The following VSIG10L variants were observed in gnomAD, a reference collection of about 807,000 sequenced individuals.
The protein encoded by VSIG10L is V-set and immunoglobulin domain containing 10 like, also known as V-set and immunoglobulin domain-containing protein 10-like.
VSIG10L carries 63 observed loss-of-function variants against 67.3 expected under a neutral mutation model. That is an observed-to-expected ratio of 0.94 (90% CI 0.76 to 1.15). The LOEUF (loss-of-function observed/expected upper bound fraction) is 1.15. Ranked by LOEUF, VSIG10L falls within the 50% of genes most tolerant of loss-of-function variation. The pLI is 0.00. For missense variants in VSIG10L, 1,050 were observed against 1,177.5 expected (o/e 0.89, Z 1.58); for synonymous variants, 499 against 524.9 (o/e 0.95, Z 0.67).
Position 51,341,886 on chromosome 19 carries a change from G to A in VSIG10L, c.162C>T (p.Ser54=), listed in dbSNP as rs1985649927. ...SSQGLGVEVP[S]IKPPSWKVPD... is the part of the protein sequence containing the mutation. The stretch of plus-strand genomic sequence containing the variant: ...GAACTTTCCAGCTGGGAGGTTTGAT[G>A]GAGGGAACTTCCACACCCAGCCCCT... Residue 54 remains serine, a synonymous_variant, in exon 2 of 10, where the codon TCC becomes TCT. Coordinates refer to ENST00000335624, the MANE Select transcript of VSIG10L (RefSeq NM_001163922.3). 1.9e-6 allele frequency: 3 copies of A among 1,551,554 alleles called. No individual in the cohort carries two copies. The highest frequency in any genetic ancestry group is 2.0e-5 in the Admixed American group (1 of 50,982).
At chr19:51,334,018 G>A (rs1170423467) in intron 8 of VSIG10L, 73 bp from the exon 9 acceptor site, 9 of 1,537,492 alleles carry the variant, frequency 5.9e-6, no homozygotes, top group Non-Finnish European at 7.9e-6. Context: ...CCAATAGCAA[G>A]GGAAGCTGGT....
At position 51,337,478 on chromosome 19, in the gene VSIG10L, A is replaced by G; in HGVS notation, c.2065T>C (p.Trp689Arg). The G allele has an allele frequency of 6.4e-7, 1 of 1,550,472 alleles. No homozygotes were observed. Among genetic ancestry groups the G allele is most frequent in the Non-Finnish European group, 8.7e-7 (1 of 1,146,150 alleles). ...ATCAGGGCCCCGCGCTCCACATCCC[A>G]AGTCAGCACGGCTGCATCTCTGGCT... ...QRARDAAVLTWDVERGALISS... is the reference protein window; with the variant it reads ...QRARDAAVLTRDVERGALISS... The change falls in exon 7 of 10, where the codon TGG (tryptophan) becomes CGG (arginine). Residue 689 changes from tryptophan (W) to arginine (R), a missense_variant. Transcript: ENST00000335624.
Position 51,338,009 on chromosome 19 carries a change from G to C in VSIG10L, c.1929C>G (p.Ser643Arg), listed in dbSNP as rs1293446524. 7 of 1,551,574 alleles carry C rather than the reference G, an allele frequency of 4.5e-6. No individual in the cohort carries two copies. In the East Asian group the frequency reaches 1.5e-4, roughly 32 times the overall value. ...AGTAATTTCCCAGGTCCCAATCCAG[G>C]CTGAAGTTGCCGATGTGGAGTTTCC... ...DGRKLHIGNF[S>R]LDWDLGNYSV... The change falls in exon 6 of 10, where the codon AGC (serine) becomes AGG (arginine). Residue 643 changes from serine to arginine, a missense_variant. Transcript: ENST00000335624.
intron 7 of VSIG10L, among the ~76,000 whole-genome samples, chr19:51,336,297 C>T (rs1290123692): frequency 6.6e-6 from 1 of 152,152 alleles, no homozygotes; most frequent in Non-Finnish European, 1.5e-5. Flanking sequence ...TGGCTCACAC[C>T]TGTAATCCCA....
At chr19:51,338,602 A>T (rs906377613) in intron 5 of VSIG10L, among the ~76,000 whole-genome samples, 12 of 152,150 alleles carry the variant, frequency 7.9e-5, no homozygotes, top group Admixed American at 7.9e-4. Context: ...TGCTGCGATT[A>T]TTGCGCCCGG....
chr19:51,341,064 A>G (rs947256742), intron 2 of VSIG10L, 89 bp downstream of exon 2: 2 of 1,424,070 alleles, frequency 1.4e-6, no homozygotes, highest in East Asian at 5.2e-5. Context: ...TCTCCTATCC[A>G]GGGACCCCAC....
chr19:51,335,252 G>A (rs985315210), intron 7 of VSIG10L, among the ~76,000 whole-genome samples: 2 of 152,154 alleles, frequency 1.3e-5, no homozygotes, highest in African/African-American at 4.8e-5. Context: ...TCCTAAAGGG[G>A]TCCTGCAGAA....
At chr19:51,335,324 G>A (rs754128639) in intron 7 of VSIG10L, among the ~76,000 whole-genome samples, 5 of 152,184 alleles carry the variant, frequency 3.3e-5, no homozygotes, top group Non-Finnish European at 7.3e-5. Context: ...TTTGGCTTCT[G>A]TGTGGAGAAT....
At chr19:51,334,886 C>T (rs1245858122) in intron 7 of VSIG10L, among the ~76,000 whole-genome samples, 1 of 152,138 alleles carries the variant, frequency 6.6e-6, no homozygotes, top group Non-Finnish European at 1.5e-5. Context: ...CTGCAGTGAG[C>T]CCAGATCGTG....
Position 51,338,311 on chromosome 19 carries a change from G to A in VSIG10L, c.1730-103C>T, listed in dbSNP as rs554860468. 11 of 1,305,218 alleles carry A rather than the reference G, an allele frequency of 8.4e-6. No homozygotes were observed. In the African/African-American group the frequency reaches 1.2e-4, roughly 14 times the overall value. 80.9% of individuals were successfully genotyped at this position (1,305,218 alleles called of 1,614,324 possible). A position where few individuals can be genotyped will look rare whatever the true frequency, so the allele number is the denominator to read the frequency against. ...AAATCAGATGGTGGTAAGCCCCCACGCTTTGGCCACCTGAGAAAGAACTGC... is the reference window on the plus strand; with the variant it reads ...AAATCAGATGGTGGTAAGCCCCCACACTTTGGCCACCTGAGAAAGAACTGC... On this transcript the variant is annotated intron_variant, in intron 5 of 9. Coordinates refer to ENST00000335624, the MANE Select transcript of VSIG10L (RefSeq NM_001163922.3).
In VSIG10L at chr19:51,340,418, G is replaced by A. The variant is rs1985602791; in HGVS notation, c.1189+15C>T. 4.7e-6 allele frequency: 7 copies of A among 1,473,788 alleles called. No homozygotes were observed. Among genetic ancestry groups the A allele is most frequent in the South Asian group, 3.9e-5 (3 of 76,780 alleles). The allele number at this position is 1,473,788 out of a possible 1,614,324, so 91.3% of individuals were successfully genotyped here. On this transcript the variant is annotated intron_variant, in intron 3 of 9. Transcript: ENST00000335624. This position sits in a 1 kb window ranked among gnomAD's most constrained non-coding sequence, Gnocchi z 6.3. The stretch of plus-strand genomic sequence containing the variant: ...AAGGACCCCCTGTCCCCGACCCGAG[G>A]CATCCCCCACTCACAGAAGACGCTG...
intron 7 of VSIG10L, among the ~76,000 whole-genome samples, chr19:51,336,763 A>ATTTTT (rs942291893): frequency 5.2e-4 from 50 of 97,062 alleles, no homozygotes; most frequent in South Asian, 8.2e-4. Flanking sequence ...CGACACCTTG[A>ATTTTT]TTTTTTTTTT....
At position 51,340,971 on chromosome 19, in the gene VSIG10L, T is replaced by A; in HGVS notation, c.895+182A>T. ...CTGGGAGTTCAGGCTCCCAGGAGTC[T>A]CCATCCCAGGTCCACCTTTGCTCAG... On this transcript the variant is annotated intron_variant, in intron 2 of 9. Coordinates refer to ENST00000335624, the MANE Select transcript of VSIG10L (RefSeq NM_001163922.3). This position sits in a 1 kb window ranked among gnomAD's most constrained non-coding sequence, Gnocchi z 6.3. 1 of 1,020,882 alleles carries A rather than the reference T, an allele frequency of 9.8e-7. No homozygotes were observed. The highest frequency in any genetic ancestry group is 1.3e-6 in the Non-Finnish European group (1 of 750,026). 63.2% of individuals were successfully genotyped at this position (1,020,882 alleles called of 1,614,324 possible).
rs780299637 is a variant in VSIG10L at position 51,341,222 on chromosome 19, C to A, written c.826G>T (p.Val276Phe). ...LASAQLDDAG[V>F]YTAEVIRAGV... ...GCCCGGATGACCTCAGCCGTGTAGA[C>A]CCCTGCATCGTCCAGCTGGGCAGAG... The change falls in exon 2 of 10, where the codon GTC becomes TTC. Residue 276 changes from valine (V) to phenylalanine (F), a missense_variant. Physicochemically the swap from Val to Phe is conservative, Grantham distance 50 (BLOSUM62 -1). Around this residue, in one of 3 missense-constraint regions of VSIG10L, gnomAD observed 511 missense variants for 557.9 expected, o/e 0.92. Coordinates refer to ENST00000335624, the MANE Select transcript of VSIG10L (RefSeq NM_001163922.3). 1.1e-5 allele frequency: 17 copies of A among 1,550,792 alleles called. No homozygotes were observed. The African/African-American group carries it at 2.1e-4, about 19-fold the overall frequency.
rs553060595 is a variant in VSIG10L at position 51,341,137 on chromosome 19, G to T, written c.895+16C>A. The T allele has an allele frequency of 1.8e-5, 27 of 1,486,964 alleles. No individual in the cohort carries two copies. The highest frequency in any genetic ancestry group is 4.2e-5 in the African/African-American group (3 of 70,862). The allele number at this position is 1,486,964 out of a possible 1,614,324, so 92.1% of individuals were successfully genotyped here. A position where few individuals can be genotyped will look rare whatever the true frequency, so the allele number is the denominator to read the frequency against. ...AGCCCCTGCCGCCTGCACGCCGGAC[G>T]CCAGGGCCCACTTACCATACACACC... On this transcript the variant is annotated intron_variant, in intron 2 of 9. Coordinates refer to ENST00000335624, the MANE Select transcript of VSIG10L (RefSeq NM_001163922.3).
At chr19:51,334,395 A>G in intron 7 of VSIG10L, 91 bp from the exon 8 acceptor site, 1 of 1,136,978 alleles carries the variant, frequency 8.8e-7, no homozygotes, top group Non-Finnish European at 1.2e-6. Flanking sequence ...GCTGGGACCC[A>G]GGAGTCCGGC....
rs763970166 is a variant in VSIG10L, at chr19:51,341,266, C to G, written c.782G>C (p.Arg261Pro). The G allele has an allele frequency of 2.6e-5, 40 of 1,550,268 alleles. No homozygotes were observed. In the South Asian group the frequency reaches 3.8e-4, roughly 15 times the overall value. ...GGCAGAGGCGAGCTCCAGAACCCCC[C>G]GGGCCTGGTCAAATCGCAGGTGGTC... ...HRDHLRFDQA[R>P]GVLELASAQL... Residue 261 changes from arginine (R) to proline (P), a missense_variant, in exon 2 of 10, where the codon CGG becomes CCG. Transcript: ENST00000335624.
Position 51,340,029 on chromosome 19 carries a change from T to A in VSIG10L, c.1460A>T (p.Asn487Ile). Residue 487 changes from asparagine (N) to isoleucine (I), a missense_variant, in exon 4 of 10, where the codon AAC becomes ATC. Asn to Ile is a moderately radical substitution (Grantham distance 149). Around this residue, in one of 3 missense-constraint regions of VSIG10L, gnomAD observed 529 missense variants for 584.9 expected, o/e 0.90. Coordinates refer to ENST00000335624, the MANE Select transcript of VSIG10L (RefSeq NM_001163922.3). This position sits in a 1 kb window ranked among gnomAD's most constrained non-coding sequence, Gnocchi z 6.3. Reference sequence around the variant, plus strand: ...CAGCCTCTCACCCGCCACTGTAAGGTTGAGCAGCGAGCGGCGGCGGCGGCC... The same window carrying A: ...CAGCCTCTCACCCGCCACTGTAAGGATGAGCAGCGAGCGGCGGCGGCGGCC... ...RTGRRRRSLL[N>I]LTVADLPPGA... The A allele has an allele frequency of 7.0e-7, 1 of 1,435,662 alleles. No individual in the cohort carries two copies. Among genetic ancestry groups the A allele is most frequent in the Non-Finnish European group, 9.1e-7 (1 of 1,096,736 alleles). 88.9% of individuals were successfully genotyped at this position (1,435,662 alleles called of 1,614,324 possible). A position where few individuals can be genotyped will look rare whatever the true frequency, so the allele number is the denominator to read the frequency against.
intron 7 of VSIG10L, 119 bp downstream of exon 7, chr19:51,337,119 G>T: frequency 8.0e-7 from 1 of 1,251,772 alleles, no homozygotes; most frequent in Non-Finnish European, 1.1e-6. Context: ...AGAAATTCCT[G>T]TAGTCTCAAG....
Sources: gnomAD v4.1 joint callset for allele counts (sites outside exome capture counted in the v4.1 genomes callset) on GRCh38, gnomAD v4.1.1 for gene constraint, gnomAD v4.1.1 regional missense constraint, Gnocchi (gnomAD v3.1) non-coding constraint, MANE v1.5 for transcripts, NCBI Gene and HGNC (gene_info 2026-07-23, HGNC 2026-07-21) for gene names.